Variants in ARHGAP32 observed in about 807,000 individuals in gnomAD.
ARHGAP32 encodes the protein rho GTPase-activating protein 32.
In ARHGAP32, 51 loss-of-function variants were observed where a neutral mutation model predicts 186.5. That is an observed-to-expected ratio of 0.27 (90% confidence interval 0.22 to 0.35). The LOEUF (loss-of-function observed/expected upper bound fraction) is 0.35, where lower values mean the gene tolerates loss of function less well. Ranked by LOEUF, ARHGAP32 falls within the 10% of genes least tolerant of loss-of-function variation. The pLI is 1.00. For missense variants in ARHGAP32, 2,186 were observed against 2,623.5 expected (o/e 0.83, Z 3.64); for synonymous variants, 950 against 964.3 (o/e 0.99, Z 0.27).
intron 1 of ARHGAP32, among the ~76,000 whole-genome samples, chr11:129,243,689 A>G (rs1037269381): frequency 1.3e-5 from 2 of 152,118 alleles, no homozygotes; most frequent in Non-Finnish European, 2.9e-5. Flanking sequence ...TTACATCCCA[A>G]TTCTAATCCA....
chr11:129,023,572 A>G (rs1157286623), intron 11 of ARHGAP32, among the ~76,000 whole-genome samples: 2 of 152,252 alleles, frequency 1.3e-5, no homozygotes, highest in Non-Finnish European at 2.9e-5. Context: ...AAAACAAGAA[A>G]TAAGCTGATT....
intron 6 of ARHGAP32, among the ~76,000 whole-genome samples, chr11:129,072,541 A>G (rs1224879154): frequency 1.3e-5 from 2 of 152,228 alleles, no homozygotes; most frequent in African/African-American, 4.8e-5. Flanking sequence ...CACGGAACAA[A>G]TCACTATCCC....
intron 5 of ARHGAP32, among the ~76,000 whole-genome samples, chr11:129,107,431 C>T (rs901988491): frequency 3.3e-5 from 5 of 152,126 alleles, no homozygotes; most frequent in Non-Finnish European, 7.4e-5. Context: ...CCAGTAATAC[C>T]GAAACTCTGG....
Position 128,969,540 on chromosome 11 carries a change from G to A in ARHGAP32, c.5673C>T (p.His1891=), listed in dbSNP as rs151263470. The change falls in exon 23 of 23, where the codon CAC becomes CAT. Residue 1891 remains histidine, a synonymous_variant. Coordinates refer to ENST00000682385, the MANE Select transcript of ARHGAP32 (RefSeq NM_001378024.1). The surrounding 1 kb of genome is among the most constrained non-coding windows in gnomAD (Gnocchi z 4.8). ...LPDMGCSLPE[H]RAHQEASHRQ... ...TATGGCTTGCTTCTTGGTGTGCCCT[G>A]TGCTCAGGAAGACTGCAGCCCATGT... 17 of 1,614,032 alleles carry A rather than the reference G, an allele frequency of 1.1e-5. No homozygotes were observed. Among genetic ancestry groups the A allele is most frequent in the Non-Finnish European group, 1.4e-5 (16 of 1,180,036 alleles).
intron 1 of ARHGAP32, among the ~76,000 whole-genome samples, chr11:129,177,865 C>T (rs867819833): frequency 2.0e-4 from 31 of 152,206 alleles, no homozygotes; most frequent in African/African-American, 5.1e-4. Context: ...GCATTCCCTT[C>T]GAAAACTGGC....
At chr11:128,979,957 C>T (rs1402859573) in intron 18 of ARHGAP32, among the ~76,000 whole-genome samples, 1 of 152,202 alleles carries the variant, frequency 6.6e-6, no homozygotes, top group Non-Finnish European at 1.5e-5. Flanking sequence ...TGCAGTGGTT[C>T]TCAAGTCCTA....
Position 128,968,085 on chromosome 11 carries a change from T to A in ARHGAP32, c.*822A>T, listed in dbSNP as rs902053704. 6.6e-6 allele frequency: 1 copy of A among 152,026 alleles called. No homozygotes were observed. Among genetic ancestry groups the A allele is most frequent in the African/African-American group, 2.4e-5 (1 of 41,390 alleles). 9.4% of individuals were successfully genotyped at this position (152,026 alleles called of 1,614,324 possible). A position where few individuals can be genotyped will look rare whatever the true frequency, so the allele number is the denominator to read the frequency against. On this transcript the variant is annotated 3_prime_UTR_variant, in exon 23 of 23. Transcript: ENST00000682385. Reference sequence around the variant, plus strand: ...AATGCATTAAAAGCATCAATAGAGATTTCTGGTGCTAATAAAGTTCACTGA... The same window carrying A: ...AATGCATTAAAAGCATCAATAGAGAATTCTGGTGCTAATAAAGTTCACTGA...
At chr11:129,035,201 A>T (rs1939281547) in intron 11 of ARHGAP32, among the ~76,000 whole-genome samples, 2 of 135,264 alleles carry the variant, frequency 1.5e-5, no homozygotes, top group Admixed American at 7.1e-5. Flanking sequence ...TCTCTATCAA[A>T]CTCTTACCTT....
intron 11 of ARHGAP32, among the ~76,000 whole-genome samples, chr11:129,027,655 A>C (rs1345801401): frequency 1.3e-5 from 2 of 152,104 alleles, no homozygotes; most frequent in Non-Finnish European, 2.9e-5. Flanking sequence ...GTAGGTTTCT[A>C]ATGAGCCATT....
chr11:129,058,194 C>T (rs1001953086), intron 10 of ARHGAP32, among the ~76,000 whole-genome samples: 38 of 54,540 alleles, frequency 7.0e-4, no homozygotes, highest in Non-Finnish European at 1.2e-3. Flanking sequence ...AATATACACA[C>T]ACACACACAC....
At chr11:129,193,269 C>G (rs1031953286), upstream of ARHGAP32, among the ~76,000 whole-genome samples, 95 of 116,976 alleles carry the variant, frequency 8.1e-4, no homozygotes, top group African/African-American at 3.2e-3. Flanking sequence ...CTCAAGAGTT[C>G]AAGACCAACC....
At chr11:129,204,391 G>T (rs1316589148) in intron 1 of ARHGAP32, among the ~76,000 whole-genome samples, 3 of 152,008 alleles carry the variant, frequency 2.0e-5, no homozygotes, top group Non-Finnish European at 4.4e-5. Flanking sequence ...GAAGAGACTA[G>T]GATGAAATCA....
At chr11:129,221,773 C>G (rs191838569) in intron 1 of ARHGAP32, among the ~76,000 whole-genome samples, 6 of 152,060 alleles carry the variant, frequency 3.9e-5, no homozygotes, top group Admixed American at 3.9e-4. Context: ...GATCACACCC[C>G]TGCACCCTAG....
chr11:129,154,917 G>A (rs1447850201), intron 2 of ARHGAP32, among the ~76,000 whole-genome samples: 1 of 152,112 alleles, frequency 6.6e-6, no homozygotes, highest in Non-Finnish European at 1.5e-5. Flanking sequence ...TAAAGAAGGA[G>A]TTGAAAATCA....
chr11:129,020,943 G>C (rs1317849680), intron 11 of ARHGAP32, among the ~76,000 whole-genome samples: 1 of 151,974 alleles, frequency 6.6e-6, no homozygotes, highest in Non-Finnish European at 1.5e-5. Flanking sequence ...ACAGCTGCAA[G>C]GGCTGTCTCA....
Position 128,968,900 on chromosome 11 carries a change from G to A in ARHGAP32, c.*7C>T, listed in dbSNP as rs755899492. On this transcript the variant is annotated 3_prime_UTR_variant, in exon 23 of 23. Coordinates refer to ENST00000682385, the MANE Select transcript of ARHGAP32 (RefSeq NM_001378024.1). ...AGAGGCTGCTTCAACTCTATTGCTC[G>A]CAGGGCTCATTCTGCATGGATCTGT... The A allele has an allele frequency of 8.8e-6, 13 of 1,478,472 alleles. No homozygotes were observed. Among genetic ancestry groups the A allele is most frequent in the African/African-American group, 2.8e-5 (2 of 71,610 alleles). 91.6% of individuals were successfully genotyped at this position (1,478,472 alleles called of 1,614,324 possible).
intron 7 of ARHGAP32, among the ~76,000 whole-genome samples, chr11:129,066,204 A>G (rs1170556201): frequency 6.6e-6 from 1 of 152,010 alleles, no homozygotes; most frequent in Non-Finnish European, 1.5e-5. Context: ...TTTAGGCTAT[A>G]TTTACTTTTC....
At position 128,974,119 on chromosome 11, in the gene ARHGAP32, G is replaced by A. The variant is rs764944977; in HGVS notation, c.3073+5C>T. 7.4e-6 allele frequency: 12 copies of A among 1,612,264 alleles called. No homozygotes were observed. Among genetic ancestry groups the A allele is most frequent in the Middle Eastern group, 1.6e-4 (1 of 6,072 alleles). ...AAAGAAAGAATGGAGGAAAACAAAC[G>A]GTACCTGTCTGAGTCTGTCCAGAAG... On this transcript the variant is annotated splice_donor_5th_base_variant and intron_variant, in intron 21 of 22. Coordinates refer to ENST00000682385, the MANE Select transcript of ARHGAP32 (RefSeq NM_001378024.1).
chr11:128,976,446 C>A, intron 20 of ARHGAP32, 117 bp downstream of exon 20: 1 of 794,434 alleles, frequency 1.3e-6, no homozygotes. Flanking sequence ...ACTAGTATTC[C>A]TAGGAAATGA....
Sources: allele counts gnomAD v4.1 joint callset (sites outside exome capture counted in the v4.1 genomes callset), GRCh38; gene constraint gnomAD v4.1.1; non-coding constraint Gnocchi (gnomAD v3.1); transcripts MANE v1.5; gene names NCBI Gene and HGNC (gene_info 2026-07-23, HGNC 2026-07-21).